SCFD2: variants seen among roughly 807,000 people sequenced by gnomAD.
SCFD2 encodes the protein sec1 family domain containing 2.
A neutral mutation model predicts 58.9 loss-of-function variants in SCFD2; 54 were observed. The observed-to-expected ratio is 0.92, with a 90% CI of 0.74 to 1.15. The LOEUF is 1.15. SCFD2 is among the 50% of genes most tolerant of loss of function. The probability of loss-of-function intolerance (pLI) is 0.00; values close to 1 mark genes in which losing one functional copy is unlikely to be tolerated. For synonymous variants in SCFD2, 321 were observed against 335.9 expected, an observed-to-expected ratio of 0.96 and a Z score of 0.49; for missense variants, 805 against 836.6, an observed-to-expected ratio of 0.96 and a Z score of 0.47.
chr4:53,288,463 A>AAACAAT (rs1731738343), intron 3 of SCFD2, among the ~76,000 whole-genome samples: 1 of 152,194 alleles, frequency 6.6e-6, no homozygotes. Flanking sequence ...ACAAAAACAA[A>AAACAAT]AACAATTGTA....
chr4:53,073,474 C>G (rs1723882715), intron 5 of SCFD2, among the ~76,000 whole-genome samples: 1 of 152,092 alleles, frequency 6.6e-6, no homozygotes, highest in South Asian at 2.1e-4. Flanking sequence ...CATTTTTGCC[C>G]CCAGCAGTAA....
At chr4:52,874,464 C>G (rs1298775121) in intron 8 of SCFD2, among the ~76,000 whole-genome samples, 2 of 152,210 alleles carry the variant, frequency 1.3e-5, no homozygotes, top group Non-Finnish European at 2.9e-5. Context: ...TTTCAGGGAG[C>G]CTTTGCTCCT....
At chr4:53,112,510 C>T (rs901724465) in intron 5 of SCFD2, among the ~76,000 whole-genome samples, 2 of 152,016 alleles carry the variant, frequency 1.3e-5, no homozygotes, top group African/African-American at 2.4e-5. Flanking sequence ...CAGATGCATT[C>T]GCACCAAGTA....
At chr4:53,335,194 C>CAAAAAA (rs56344451) in intron 2 of SCFD2, among the ~76,000 whole-genome samples, 27 of 80,446 alleles carry the variant, frequency 3.4e-4, no homozygotes, top group South Asian at 5.1e-4. Flanking sequence ...GACTCCGTCT[C>CAAAAAA]AAAAAAAAAA....
At chr4:53,115,648 T>C (rs1277310405) in intron 5 of SCFD2, among the ~76,000 whole-genome samples, 1 of 152,200 alleles carries the variant, frequency 6.6e-6, no homozygotes, top group African/African-American at 2.4e-5. Context: ...CACATTTGTA[T>C]TTTAATCTTT....
At chr4:53,352,559 G>A (rs1181069876) in intron 2 of SCFD2, 39 bp downstream of exon 2, 3 of 1,523,188 alleles carry the variant, frequency 2.0e-6, no homozygotes, top group East Asian at 4.5e-5. Flanking sequence ...GAAAGGGGAA[G>A]ACAGAGAAAG....
chr4:53,183,665 A>T (rs76602024), intron 4 of SCFD2, among the ~76,000 whole-genome samples: 8 of 46,430 alleles, frequency 1.7e-4, no homozygotes, highest in South Asian at 5.1e-4. Context: ...TAATAAAATT[A>T]AAAAAAAAAA....
chr4:53,079,524 G>A (rs1404132843), intron 5 of SCFD2, among the ~76,000 whole-genome samples: 1 of 152,114 alleles, frequency 6.6e-6, no homozygotes, highest in Non-Finnish European at 1.5e-5. Context: ...CATTCTCTTG[G>A]ATCCAAAAAT....
At chr4:53,093,903 G>C (rs1350777871) in intron 5 of SCFD2, among the ~76,000 whole-genome samples, 2 of 152,074 alleles carry the variant, frequency 1.3e-5, no homozygotes, top group African/African-American at 4.8e-5. Flanking sequence ...ACATTTCACT[G>C]TATGTAATTT....
chr4:53,206,469 G>A (rs1445898616), intron 4 of SCFD2, among the ~76,000 whole-genome samples: 1 of 152,012 alleles, frequency 6.6e-6, no homozygotes, highest in Non-Finnish European at 1.5e-5. Flanking sequence ...CCCAAATTTA[G>A]AAAGAACTAT....
At chr4:52,956,642 C>T (rs1453288845) in intron 5 of SCFD2, 3 of 180,108 alleles carry the variant, frequency 1.7e-5, no homozygotes, top group Admixed American at 1.1e-4. Flanking sequence ...GAATGCTCTT[C>T]CTTCCATTCC....
intron 4 of SCFD2, among the ~76,000 whole-genome samples, chr4:53,197,507 AT>A (rs763617441): frequency 2.6e-5 from 4 of 152,080 alleles, no homozygotes; most frequent in African/African-American, 9.7e-5. Flanking sequence ...AAAATTTCAG[AT>A]TTTTTCCCCA....
intron 8 of SCFD2, among the ~76,000 whole-genome samples, chr4:52,882,713 G>C (rs536393290): frequency 3.3e-5 from 5 of 152,208 alleles, no homozygotes; most frequent in South Asian, 4.1e-4. Flanking sequence ...TTTGGACTCA[G>C]ACTGGCTTCC....
intron 5 of SCFD2, among the ~76,000 whole-genome samples, chr4:53,109,067 C>A (rs761204157): frequency 6.6e-6 from 1 of 152,146 alleles, no homozygotes; most frequent in Non-Finnish European, 1.5e-5. Context: ...TCAACATATG[C>A]AAATCAACAA....
chr4:52,945,476 A>G (rs1379201159), intron 5 of SCFD2, among the ~76,000 whole-genome samples: 4 of 152,166 alleles, frequency 2.6e-5, no homozygotes, highest in Admixed American at 2.0e-4. Context: ...ATAATTCCAT[A>G]TCCTTGTCAT....
intron 5 of SCFD2, among the ~76,000 whole-genome samples, chr4:53,091,674 T>C (rs1724473611): frequency 2.6e-5 from 4 of 152,108 alleles, no homozygotes; most frequent in African/African-American, 9.7e-5. Flanking sequence ...CAGAGTCCTG[T>C]AGATACAACT....
At chr4:53,297,905 C>T (rs896089665) in intron 3 of SCFD2, among the ~76,000 whole-genome samples, 1 of 152,162 alleles carries the variant, frequency 6.6e-6, no homozygotes, top group Non-Finnish European at 1.5e-5. Context: ...ATTTCTCCTT[C>T]ACTTATGAAG....
In SCFD2 at chr4:53,035,220, G is replaced by A. The variant is rs1331985916; in HGVS notation, c.1561+110113C>T. ...ACAAACCTGACACAAAAAAGCAATG[G>A]CAAAAAGATTCCCTATTTAATAAAT... On this transcript the variant is annotated intron_variant, in intron 5 of 8. Transcript: ENST00000401642. Among the ~76,000 whole-genome samples the A allele has an allele frequency of 2.0e-5, 3 of 152,130 alleles. No individual in the cohort carries two copies. The East Asian group carries it at 5.8e-4, about 29-fold the overall frequency.
At chr4:53,225,095 T>C (rs1002676901) in intron 4 of SCFD2, among the ~76,000 whole-genome samples, 2 of 152,160 alleles carry the variant, frequency 1.3e-5, no homozygotes, top group Admixed American at 1.3e-4. Context: ...AAGGAAAATA[T>C]TACAACATAA....
Sources: allele counts gnomAD v4.1 joint callset (sites outside exome capture counted in the v4.1 genomes callset), GRCh38; gene constraint gnomAD v4.1.1; transcripts MANE v1.5; gene names NCBI Gene and HGNC (gene_info 2026-07-23, HGNC 2026-07-21).